The following NHSL1 variants were observed in gnomAD, a reference collection of about 807,000 sequenced individuals.
The protein encoded by NHSL1 is NHS-like protein 1.
NHSL1 carries 48 observed loss-of-function variants against 95.0 expected under a neutral mutation model. That is an observed-to-expected ratio of 0.51 (90% CI 0.40 to 0.64). The LOEUF (loss-of-function observed/expected upper bound fraction) is 0.64. Among genes scored for constraint, NHSL1 ranks in the 30% least tolerant of loss-of-function variants. The pLI, the probability that NHSL1 is intolerant of heterozygous loss-of-function variation, is 0.00. For missense variants in NHSL1, 1,971 were observed against 2,077.7 expected, an observed-to-expected ratio of 0.95 and a Z score of 1.00; for synonymous variants, 783 against 833.9, an observed-to-expected ratio of 0.94 and a Z score of 1.05.
At position 138,422,469 on chromosome 6, in the gene NHSL1, T is replaced by C. The variant is rs1054438285; in HGVS notation, c.*1612A>G. The stretch of plus-strand genomic sequence containing the variant: ...TCTCATAATGATTTGACCCATGCAG[T>C]CCAACTTTTAGATAGTATTTCCATA... On this transcript the variant is annotated 3_prime_UTR_variant, in exon 8 of 8. Transcript: ENST00000343505. 1 of 152,220 alleles carries C rather than the reference T, an allele frequency of 6.6e-6. No homozygotes were observed. Among genetic ancestry groups the C allele is most frequent in the Non-Finnish European group, 1.5e-5 (1 of 68,040 alleles). 9.4% of individuals were successfully genotyped at this position (152,220 alleles called of 1,614,324 possible).
chr6:138,489,066 G>C (rs1356497190), intron 2 of NHSL1, among the ~76,000 whole-genome samples: 2 of 152,170 alleles, frequency 1.3e-5, no homozygotes, highest in Non-Finnish European at 2.9e-5. Context: ...GTCATCAGAA[G>C]GTGTTCCTTG....
At chr6:138,505,266 A>C in intron 1 of NHSL1, among the ~76,000 whole-genome samples, 1 of 152,370 alleles carries the variant, frequency 6.6e-6, no homozygotes, top group Non-Finnish European at 1.5e-5. Flanking sequence ...GGTCATTTTC[A>C]AATATTGTAC....
At chr6:138,646,868 G>T (rs1222130696) in intron 1 of NHSL1, among the ~76,000 whole-genome samples, 2 of 152,186 alleles carry the variant, frequency 1.3e-5, no homozygotes, top group African/African-American at 4.8e-5. Flanking sequence ...GGAAACACTG[G>T]TGTATTCAAA....
intron 2 of NHSL1, among the ~76,000 whole-genome samples, chr6:138,480,048 A>G (rs1439312717): frequency 2.0e-5 from 3 of 152,228 alleles, no homozygotes; most frequent in Admixed American, 1.3e-4. Context: ...TGATATGGGA[A>G]GATGAGGGGA....
chr6:138,467,108 G>A (rs968513568), intron 3 of NHSL1, among the ~76,000 whole-genome samples: 2 of 151,702 alleles, frequency 1.3e-5, no homozygotes, highest in Admixed American at 1.3e-4. Flanking sequence ...TATGCTACTG[G>A]TTTATGTATT....
At chr6:138,687,061 G>A (rs1224365917) in intron 1 of NHSL1, among the ~76,000 whole-genome samples, 2 of 152,194 alleles carry the variant, frequency 1.3e-5, no homozygotes, top group Non-Finnish European at 2.9e-5. Context: ...CATGTGGTAT[G>A]TGTCAATGAA....
rs543477670 is a variant in NHSL1, at chr6:138,540,608, G to A, written c.16+5015C>T. Among the ~76,000 whole-genome samples, 70 of 152,334 alleles carry A rather than the reference G, an allele frequency of 4.6e-4. 1 individual carries two copies. The South Asian group carries it at 0.013, about 28-fold the overall frequency. On this transcript the variant is annotated intron_variant, in intron 1 of 4. Coordinates refer to the NHSL1 transcript ENST00000342260. ...ACAACTGGAAAGAGGCCTGTGATCT[G>A]TTCCAGGGTGCACGATGACGAAGGA...
intron 1 of NHSL1, among the ~76,000 whole-genome samples, chr6:138,533,663 T>C (rs1231568498): frequency 6.6e-6 from 1 of 152,268 alleles, no homozygotes; most frequent in Non-Finnish European, 1.5e-5. Context: ...TGCCCATTCA[T>C]GGGACTATGC....
At chr6:138,467,127 T>C (rs1382255430) in intron 3 of NHSL1, among the ~76,000 whole-genome samples, 2 of 151,968 alleles carry the variant, frequency 1.3e-5, no homozygotes, top group Non-Finnish European at 2.9e-5. Context: ...TTTACCATAC[T>C]ATATTTTTTG....
Position 138,483,168 on chromosome 6 carries a change from G to A in NHSL1, c.212-9735C>T, listed in dbSNP as rs1419692642. On this transcript the variant is annotated intron_variant, in intron 2 of 7. Coordinates refer to ENST00000343505, the MANE Select transcript of NHSL1 (RefSeq NM_001144060.2). Reference sequence around the variant, plus strand: ...TTAGGGTGGAGGTAAAAGTGAAAGAGGAGAAGTCTTCTCTACTCAGAGGAG... The same window carrying A: ...TTAGGGTGGAGGTAAAAGTGAAAGAAGAGAAGTCTTCTCTACTCAGAGGAG... Among the ~76,000 whole-genome samples, 4 of 152,002 alleles carry A rather than the reference G, an allele frequency of 2.6e-5. No homozygotes were observed. In the East Asian group the frequency reaches 7.7e-4, roughly 29 times the overall value.
chr6:138,517,682 A>G (rs1193943344), intron 1 of NHSL1, among the ~76,000 whole-genome samples: 4 of 152,232 alleles, frequency 2.6e-5, no homozygotes, highest in African/African-American at 9.6e-5. Context: ...AATCTCCAGG[A>G]GGGCCAGAGG....
chr6:138,502,708 C>T (rs953192978), upstream of NHSL1, among the ~76,000 whole-genome samples: 2 of 152,126 alleles, frequency 1.3e-5, no homozygotes, highest in African/African-American at 4.8e-5. Flanking sequence ...ACCATCCTAC[C>T]CAGGTTACCA....
At chr6:138,594,242 A>C (rs1380546172) in intron 1 of NHSL1, among the ~76,000 whole-genome samples, 1 of 152,210 alleles carries the variant, frequency 6.6e-6, no homozygotes, top group African/African-American at 2.4e-5. Context: ...TTTGGTATTC[A>C]GTAGCAAAGA....
chr6:138,552,262 T>C (rs1307822823), intron 1 of NHSL1, among the ~76,000 whole-genome samples: 1 of 152,054 alleles, frequency 6.6e-6, no homozygotes, highest in East Asian at 1.9e-4. Context: ...CTACTCAAAA[T>C]ACAAAAATTA....
intron 1 of NHSL1, among the ~76,000 whole-genome samples, chr6:138,593,107 A>G (rs1270990231): frequency 1.3e-5 from 2 of 152,242 alleles, no homozygotes; most frequent in Admixed American, 6.5e-5. Flanking sequence ...CAAACCAGAG[A>G]ATCAGTAGAA....
At position 138,433,676 on chromosome 6, in the gene NHSL1, T is replaced by C; in HGVS notation, c.669A>G (p.Ser223=). 1 of 1,527,098 alleles carries C rather than the reference T, an allele frequency of 6.5e-7. No individual in the cohort carries two copies. Among genetic ancestry groups the C allele is most frequent in the East Asian group, 2.5e-5 (1 of 40,388 alleles). 94.6% of individuals were successfully genotyped at this position (1,527,098 alleles called of 1,614,324 possible). ...CATCAGCATCATCTTGGCCAGTGCC[T>C]GATGCTGGAGATAAAGCAGAAAGAG... The part of the protein sequence containing the change: ...VPDNIQKELA[S]GTGQDDADGH... The change falls in exon 6 of 8, where the codon TCA becomes TCG. Residue 223 remains serine, a synonymous_variant. Coordinates refer to ENST00000343505, the MANE Select transcript of NHSL1 (RefSeq NM_001144060.2).
rs1211384328 is a variant in NHSL1, at chr6:138,424,027, G to A, written c.*54C>T. ...AAGGGCGCCTAGCAGGCTTCCTAGAGTGCTGCATTGCTCGTCTCCCCCCGT... is the reference window on the plus strand; with the variant it reads ...AAGGGCGCCTAGCAGGCTTCCTAGAATGCTGCATTGCTCGTCTCCCCCCGT... On this transcript the variant is annotated 3_prime_UTR_variant, in exon 8 of 8. Transcript: ENST00000343505. The surrounding 1 kb of genome is among the most constrained non-coding windows in gnomAD (Gnocchi z 5.9). 2 of 1,335,758 alleles carry A rather than the reference G, an allele frequency of 1.5e-6. No individual in the cohort carries two copies. Among genetic ancestry groups the A allele is most frequent in the Non-Finnish European group, 1.9e-6 (2 of 1,046,388 alleles). 82.7% of individuals were successfully genotyped at this position (1,335,758 alleles called of 1,614,324 possible).
intron 2 of NHSL1, among the ~76,000 whole-genome samples, chr6:138,495,298 T>C (rs1338115707): frequency 1.3e-5 from 2 of 152,202 alleles, no homozygotes; most frequent in African/African-American, 4.8e-5. Flanking sequence ...TTAAACTAGA[T>C]ATAGGAATAC....
upstream of NHSL1, among the ~76,000 whole-genome samples, chr6:138,550,351 C>T (rs1782956014): frequency 6.6e-6 from 1 of 152,122 alleles, no homozygotes; most frequent in African/African-American, 2.4e-5. Flanking sequence ...AAGAACTATC[C>T]ATTGAAATTA....
Sources: allele counts gnomAD v4.1 joint callset (sites outside exome capture counted in the v4.1 genomes callset), GRCh38; gene constraint gnomAD v4.1.1; non-coding constraint Gnocchi (gnomAD v3.1); transcripts MANE v1.5; gene names NCBI Gene and HGNC (gene_info 2026-07-23, HGNC 2026-07-21).